The following PRRC2C variants were observed in gnomAD, a reference collection of about 807,000 sequenced individuals.
The protein encoded by PRRC2C is proline rich coiled-coil 2C.
PRRC2C carries 72 observed loss-of-function variants against 317.2 expected under a neutral mutation model. The observed-to-expected ratio is 0.23, with a 90% CI of 0.19 to 0.28. The LOEUF is 0.28. Among genes scored for constraint, PRRC2C ranks in the 10% least tolerant of loss-of-function variants. The pLI is 1.00. For missense variants in PRRC2C, 3,074 were observed against 3,459.7 expected (o/e 0.89, Z 2.80); for synonymous variants, 1,296 against 1,205.9 (o/e 1.07, Z -1.55).
chr1:171,562,383 G>A (rs989035061), intron 20 of PRRC2C, among the ~76,000 whole-genome samples: 5 of 152,296 alleles, frequency 3.3e-5, no homozygotes, highest in South Asian at 2.1e-4. Context: ...ACACTGAAGG[G>A]TTTTGAGCAA....
chr1:171,578,580 C>T (rs1167600405), intron 26 of PRRC2C, among the ~76,000 whole-genome samples: 2 of 151,756 alleles, frequency 1.3e-5, no homozygotes, highest in East Asian at 1.9e-4. Context: ...ATAAAAACAG[C>T]GAGTCAGCTA....
chr1:171,491,405 C>T (rs748406768), intron 1 of PRRC2C, among the ~76,000 whole-genome samples: 8 of 152,186 alleles, frequency 5.3e-5, no homozygotes, highest in Non-Finnish European at 1.0e-4. Context: ...CCAGCTTAGG[C>T]CTCGCAGAGG....
At chr1:171,525,666 C>G (rs908348129) in intron 10 of PRRC2C, among the ~76,000 whole-genome samples, 4 of 152,092 alleles carry the variant, frequency 2.6e-5, no homozygotes, top group African/African-American at 9.7e-5. Flanking sequence ...TTACAGTGTG[C>G]TAAGTGGCGT....
chr1:171,592,028 C>A lies in PRRC2C; in HGVS notation c.*181C>A. The A allele has an allele frequency of 1.3e-6, 1 of 740,812 alleles. No homozygotes were observed. Among genetic ancestry groups the A allele is most frequent in the Non-Finnish European group, 2.1e-6 (1 of 471,450 alleles). 45.9% of individuals were successfully genotyped at this position (740,812 alleles called of 1,614,324 possible). ...CACACAGCTGCTGTACCAGTGAAAACGAGGCTTTGCAAGCTTGTACCTACT... is the reference window on the plus strand; with the variant it reads ...CACACAGCTGCTGTACCAGTGAAAAAGAGGCTTTGCAAGCTTGTACCTACT... On this transcript the variant is annotated 3_prime_UTR_variant, in exon 35 of 35. Coordinates refer to ENST00000647382, the MANE Select transcript of PRRC2C (RefSeq NM_001387844.1).
At chr1:171,527,891 T>C (rs769470886) in intron 11 of PRRC2C, 47 bp downstream of exon 11, 12 of 1,493,384 alleles carry the variant, frequency 8.0e-6, no homozygotes, top group Non-Finnish European at 1.0e-5. Context: ...TATTTGACCT[T>C]TTGTTTTGGT....
At chr1:171,586,794 G>C (rs1231299033) in intron 30 of PRRC2C, among the ~76,000 whole-genome samples, 1 of 151,256 alleles carries the variant, frequency 6.6e-6, no homozygotes, top group Non-Finnish European at 1.5e-5. Flanking sequence ...CACCATGTTG[G>C]CCAGGATGGT....
intron 34 of PRRC2C, among the ~76,000 whole-genome samples, chr1:171,590,829 T>C (rs536109111): frequency 2.0e-5 from 3 of 152,222 alleles, no homozygotes; most frequent in African/African-American, 7.2e-5. Context: ...CATATTCCCA[T>C]GTTGGAAATA....
rs955838604 is a variant in PRRC2C, at chr1:171,589,392, C to G, written c.8223C>G (p.Val2741=). The change falls in exon 34 of 35, where the codon GTC becomes GTG. Residue 2741 remains valine, a synonymous_variant. Transcript: ENST00000647382. ...APQILSQPNL[V]PPLVRAPHTN... The stretch of plus-strand genomic sequence containing the variant: ...AGATTCTCTCCCAGCCTAACCTGGT[C>G]CCTCCATTGGTAAGAGCCCCACATA... 23 of 1,287,998 alleles carry G rather than the reference C, an allele frequency of 1.8e-5. No homozygotes were observed. Among genetic ancestry groups the G allele is most frequent in the Admixed American group, 4.6e-5 (2 of 43,448 alleles). The allele number at this position is 1,287,998 out of a possible 1,614,324, so 79.8% of individuals were successfully genotyped here. A position where few individuals can be genotyped will look rare whatever the true frequency, so the allele number is the denominator to read the frequency against.
chr1:171,577,087 C>T (rs1685820801), intron 25 of PRRC2C, among the ~76,000 whole-genome samples: 1 of 152,130 alleles, frequency 6.6e-6, no homozygotes, highest in Non-Finnish European at 1.5e-5. Flanking sequence ...GTGAATGAAG[C>T]TCTTGATTAT....
At position 171,557,375 on chromosome 1, in the gene PRRC2C, C is replaced by T. The variant is rs973239280; in HGVS notation, c.5263C>T (p.Pro1755Ser). 1.9e-5 allele frequency: 29 copies of T among 1,551,680 alleles called. No homozygotes were observed. The highest frequency in any genetic ancestry group is 3.9e-5 in the Admixed American group (2 of 50,972). Residue 1755 changes from proline (P) to serine (S), a missense_variant, in exon 19 of 35, where the codon CCA (proline) becomes TCA (serine). Physicochemically the swap from Pro to Ser is moderately conservative, Grantham distance 74 (BLOSUM62 -1). Coordinates refer to ENST00000647382, the MANE Select transcript of PRRC2C (RefSeq NM_001387844.1). ...SASVPPLASA[P>S]LPPSTSASVP... ...CTCAGTTCCACCTCTAGCTTCGGCTCCACTTCCACCTTCAACCTCAGCTTC... is the reference window on the plus strand; with the variant it reads ...CTCAGTTCCACCTCTAGCTTCGGCTTCACTTCCACCTTCAACCTCAGCTTC...
chr1:171,556,321 A>T (rs925610382), intron 18 of PRRC2C, among the ~76,000 whole-genome samples: 2 of 152,354 alleles, frequency 1.3e-5, no homozygotes, highest in South Asian at 4.1e-4. Flanking sequence ...TTCCAGGTAC[A>T]GTCTGTCATG....
rs764189251 is a variant in PRRC2C, at chr1:171,532,967, A to T, written c.1873+6A>T. On this transcript the variant is annotated splice_donor_region_variant and intron_variant, in intron 12 of 34. Coordinates refer to ENST00000647382, the MANE Select transcript of PRRC2C (RefSeq NM_001387844.1). ...TGAAAACAGCTGTAATAAAGGTTTG[A>T]TAGTATTCTTCATTCTCTTTTAAAA... The T allele has an allele frequency of 6.5e-7, 1 of 1,533,512 alleles. No individual in the cohort carries two copies. The highest frequency in any genetic ancestry group is 1.4e-5 in the African/African-American group (1 of 71,644). 95.0% of individuals were successfully genotyped at this position (1,533,512 alleles called of 1,614,324 possible). A position where few individuals can be genotyped will look rare whatever the true frequency, so the allele number is the denominator to read the frequency against.
In PRRC2C at chr1:171,577,567, A is replaced by C; in HGVS notation, c.7089A>C (p.Leu2363Phe). 1 of 1,613,794 alleles carries C rather than the reference A, an allele frequency of 6.2e-7. No individual in the cohort carries two copies. Among genetic ancestry groups the C allele is most frequent in the Non-Finnish European group, 8.5e-7 (1 of 1,179,766 alleles). Residue 2363 changes from leucine (L) to phenylalanine (F), a missense_variant, in exon 26 of 35, where the codon TTA becomes TTC. By Grantham distance (22) the Leu-to-Phe change is conservative (BLOSUM62 0). Around this residue, in one of 11 missense-constraint regions of PRRC2C, gnomAD observed 490 missense variants for 663.1 expected, o/e 0.74. Coordinates refer to ENST00000647382, the MANE Select transcript of PRRC2C (RefSeq NM_001387844.1). ...CTTCTGCAAGTCATTTTTCACAGTT[A>C]AGCTGTATGCCTTCCCTTATTGCCC... ...SLPSASHFSQ[L>F]SCMPSLIAQQ... is the part of the protein sequence containing the mutation.
chr1:171,508,071 A>G (rs934854130), intron 1 of PRRC2C, among the ~76,000 whole-genome samples: 4 of 152,214 alleles, frequency 2.6e-5, no homozygotes, highest in African/African-American at 9.6e-5. Flanking sequence ...TTCTACTTAA[A>G]AGATCATGTC....
intron 14 of PRRC2C, 79 bp from the exon 15 acceptor site, chr1:171,537,184 G>A (rs1178884245): frequency 9.1e-7 from 1 of 1,099,250 alleles, no homozygotes; most frequent in African/African-American, 1.6e-5. Flanking sequence ...TTAATAACCT[G>A]TATTCTATGT....
intron 1 of PRRC2C, among the ~76,000 whole-genome samples, chr1:171,500,176 T>A (rs1668829949): frequency 6.6e-6 from 1 of 152,200 alleles, no homozygotes; most frequent in Non-Finnish European, 1.5e-5. Context: ...AAGAAAGTTA[T>A]GTCATTCAGT....
At chr1:171,509,714 A>C (rs573220675) in intron 1 of PRRC2C, 1 of 152,046 alleles carries the variant, frequency 6.6e-6, no homozygotes, top group South Asian at 2.1e-4. Context: ...AAGACTTGCT[A>C]TAGAGTGCTG....
At chr1:171,582,096 A>C (rs572837489) in intron 28 of PRRC2C, among the ~76,000 whole-genome samples, 1 of 152,108 alleles carries the variant, frequency 6.6e-6, no homozygotes, top group Non-Finnish European at 1.5e-5. Flanking sequence ...TTCCATGGAG[A>C]TCTTGAGGCT....
At chr1:171,545,390 T>C (rs1678889372) in intron 16 of PRRC2C, 89 bp from the exon 17 acceptor site, 1 of 1,106,084 alleles carries the variant, frequency 9.0e-7, no homozygotes, top group Non-Finnish European at 1.3e-6. Flanking sequence ...TGTTTCATCT[T>C]AGAATGAACT....
Sources: allele counts gnomAD v4.1 joint callset (sites outside exome capture counted in the v4.1 genomes callset), GRCh38; gene constraint gnomAD v4.1.1; regional missense constraint gnomAD v4.1.1; transcripts MANE v1.5; gene names NCBI Gene and HGNC (gene_info 2026-07-23, HGNC 2026-07-21).